The following GBF1 variants were observed in gnomAD, a reference collection of about 807,000 sequenced individuals.
GBF1 encodes the protein Golgi-specific brefeldin A-resistance guanine nucleotide exchange factor 1.
A neutral mutation model predicts 210.5 loss-of-function variants in GBF1; 114 were observed. The ratio of observed to expected loss-of-function variants is 0.54; its 90% CI spans 0.47 to 0.63. The LOEUF (loss-of-function observed/expected upper bound fraction) is 0.63. Among genes scored for constraint, GBF1 ranks in the 30% least tolerant of loss-of-function variants. The pLI is 0.00. For synonymous variants in GBF1, 850 were observed against 889.2 expected, an observed-to-expected ratio of 0.96 and a Z score of 0.78; for missense variants, 1,851 against 2,357.7, an observed-to-expected ratio of 0.79 and a Z score of 4.45.
At chr10:102,370,066 C>A in intron 26 of GBF1, 82 bp downstream of exon 26, 1 of 1,567,542 alleles carries the variant, frequency 6.4e-7, no homozygotes, top group South Asian at 1.1e-5. Flanking sequence ...AATAAATCAT[C>A]CAGGATTTGT....
At chr10:102,346,419 C>T (rs1423011757) in intron 4 of GBF1, among the ~76,000 whole-genome samples, 1 of 152,236 alleles carries the variant, frequency 6.6e-6, no homozygotes, top group Non-Finnish European at 1.5e-5. Context: ...CTTCCACCAG[C>T]AGTGATTGAG....
At chr10:102,295,462 T>G (rs2076837305) in intron 3 of GBF1, among the ~76,000 whole-genome samples, 1 of 152,102 alleles carries the variant, frequency 6.6e-6, no homozygotes, top group South Asian at 2.1e-4. Context: ...AATTGAGCAC[T>G]AACTAAAATT....
At chr10:102,340,057 T>G (rs1183542589) in intron 3 of GBF1, among the ~76,000 whole-genome samples, 2 of 147,540 alleles carry the variant, frequency 1.4e-5, no homozygotes, top group African/African-American at 2.5e-5. Context: ...GGGTTCAAGA[T>G]ATTCTTTCAC....
At chr10:102,260,934 AT>A (rs1234330123) in intron 3 of GBF1, among the ~76,000 whole-genome samples, 1 of 152,012 alleles carries the variant, frequency 6.6e-6, no homozygotes, top group Non-Finnish European at 1.5e-5. Flanking sequence ...TATTTTCCTA[AT>A]CACGGTAACC....
At chr10:102,230,701 G>T in the GBF1 span, 1 of 1,559,980 alleles carries the variant, frequency 6.4e-7, no homozygotes, top group African/African-American at 1.4e-5. Context: ...GGCGGCGGCC[G>T]AGGCATAAGG....
chr10:102,357,344 A>G (rs1401547665), intron 8 of GBF1, among the ~76,000 whole-genome samples: 3 of 151,970 alleles, frequency 2.0e-5, no homozygotes, highest in African/African-American at 4.8e-5. Context: ...AAAATTATCC[A>G]GGCGTGGTGG....
chr10:102,367,470 G>A lies in GBF1; in HGVS notation c.2560-8G>A. 6.3e-7 allele frequency: 1 copy of A among 1,587,336 alleles called. No individual in the cohort carries two copies. Among genetic ancestry groups the A allele is most frequent in the Non-Finnish European group, 8.7e-7 (1 of 1,155,486 alleles). On this transcript the variant is annotated splice_polypyrimidine_tract_variant and splice_region_variant and intron_variant, in intron 20 of 39. Coordinates refer to ENST00000369983, the MANE Select transcript of GBF1 (RefSeq NM_001377137.1). ...ACAAGGGGAAAAAACTTACTGGCCT[G>A]TCTCTAGGAGTTTCGCAAAAATCTG...
chr10:102,379,737 T>A (rs1007413587), intron 35 of GBF1, 86 bp downstream of exon 35: 2 of 1,518,144 alleles, frequency 1.3e-6, no homozygotes, highest in African/African-American at 2.7e-5. Flanking sequence ...AATGTGAGTC[T>A]TCAGCCTGCA....
In GBF1 at chr10:102,368,692, T is replaced by C. The variant is rs1245208928; in HGVS notation, c.2880-47T>C. 4 of 1,349,014 alleles carry C rather than the reference T, an allele frequency of 3.0e-6. No homozygotes were observed. The South Asian group carries it at 4.7e-5, about 16-fold the overall frequency. The allele number at this position is 1,349,014 out of a possible 1,614,324, so 83.6% of individuals were successfully genotyped here. On this transcript the variant is annotated intron_variant, in intron 22 of 39. Coordinates refer to ENST00000369983, the MANE Select transcript of GBF1 (RefSeq NM_001377137.1). ...AAGCTCAGGGACTTGGAAGGGCTGC[T>C]TGGCCTTCCAGTGACTCTGTTTCTG...
At chr10:102,334,864 A>AG (rs2057617046) in intron 3 of GBF1, among the ~76,000 whole-genome samples, 1 of 151,838 alleles carries the variant, frequency 6.6e-6, no homozygotes, top group African/African-American at 2.4e-5. Flanking sequence ...AAAAAAAAAA[A>AG]GTCAAGATTC....
chr10:102,334,848 CAA>C (rs200899049), intron 3 of GBF1, among the ~76,000 whole-genome samples: 8 of 92,864 alleles, frequency 8.6e-5, no homozygotes, highest in Admixed American at 1.2e-4. Context: ...GACTTCGTCT[CAA>C]AAAAAAAAAA....
rs1484286763 is a variant in GBF1 at position 102,362,535 on chromosome 10, T to C, written c.1747T>C (p.Leu583=). ...TTHLLSLDAL[L]TVIDSTEAHC... Reference sequence around the variant, plus strand: ...ACACCTACTATCTCTTGATGCCCTATTGACAGTGATTGACAGCACCGAGGC... The same window carrying C: ...ACACCTACTATCTCTTGATGCCCTACTGACAGTGATTGACAGCACCGAGGC... Residue 583 remains leucine, a synonymous_variant, in exon 15 of 40, where the codon TTG becomes CTG. Coordinates refer to ENST00000369983, the MANE Select transcript of GBF1 (RefSeq NM_001377137.1). 4 of 1,613,824 alleles carry C rather than the reference T, an allele frequency of 2.5e-6. No homozygotes were observed. Among genetic ancestry groups the C allele is most frequent in the Non-Finnish European group, 8.5e-7 (1 of 1,179,796 alleles).
chr10:102,243,955 C>A (rs916779574), upstream of GBF1, among the ~76,000 whole-genome samples: 2 of 151,968 alleles, frequency 1.3e-5, no homozygotes, highest in African/African-American at 4.8e-5. Flanking sequence ...CATGGTGAAA[C>A]CCCATCTCTA....
At chr10:102,380,164 T>C in intron 36 of GBF1, 85 bp from the exon 37 acceptor site, 3 of 873,496 alleles carry the variant, frequency 3.4e-6, no homozygotes, top group Admixed American at 1.8e-5. Context: ...TCATGCAAGA[T>C]AGGACAGGCT....
chr10:102,242,177 G>A (rs1268045341), upstream of GBF1, among the ~76,000 whole-genome samples: 1 of 152,088 alleles, frequency 6.6e-6, no homozygotes, highest in African/African-American at 2.4e-5. Flanking sequence ...TCTTCTCCAA[G>A]GAAGGTGACT....
chr10:102,230,698 G>T, the GBF1 span: 1 of 1,562,590 alleles, frequency 6.4e-7, no homozygotes, highest in Non-Finnish European at 8.7e-7. Context: ...GGCGGCGGCG[G>T]CCGAGGCATA....
the GBF1 span, among the ~76,000 whole-genome samples, chr10:102,232,768 A>AT: frequency 6.6e-6 from 1 of 152,210 alleles, no homozygotes; most frequent in Non-Finnish European, 1.5e-5. Flanking sequence ...TCTCACCTGA[A>AT]TGCTTAGTAT....
chr10:102,362,666 TGA>T lies in GBF1; in HGVS notation c.1876+6_1876+7del. The T allele has an allele frequency of 1.2e-6, 2 of 1,610,250 alleles. No individual in the cohort carries two copies. The highest frequency in any genetic ancestry group is 8.5e-7 in the Non-Finnish European group (1 of 1,176,492). On this transcript the variant is annotated splice_donor_region_variant and intron_variant, in intron 15 of 39. Coordinates refer to ENST00000369983, the MANE Select transcript of GBF1 (RefSeq NM_001377137.1). ...ATGGCACCCGAGAAGCTAGCAATAG[TGA>T]GAGGCATTTCTTTCTTTGATGAACC...
chr10:102,241,415 A>G (rs1373059166), upstream of GBF1: 1 of 151,664 alleles, frequency 6.6e-6, no homozygotes, highest in African/African-American at 2.4e-5. The surrounding 1 kb of genome is among the most constrained non-coding windows in gnomAD (Gnocchi z 6.7). Context: ...GGGGCCGGGC[A>G]CCCGGCCGGA....
Sources: gnomAD v4.1 joint callset for allele counts (sites outside exome capture counted in the v4.1 genomes callset) on GRCh38, gnomAD v4.1.1 for gene constraint, Gnocchi (gnomAD v3.1) non-coding constraint, MANE v1.5 for transcripts, NCBI Gene and HGNC (gene_info 2026-07-23, HGNC 2026-07-21) for gene names.